The following PMFBP1 variants were observed in gnomAD, a reference collection of about 807,000 sequenced individuals.
PMFBP1 encodes the protein polyamine-modulated factor 1-binding protein 1.
A neutral mutation model predicts 137.8 loss-of-function variants in PMFBP1; 131 were observed. That is an observed-to-expected ratio of 0.95 (90% CI 0.82 to 1.10). The LOEUF is 1.10. Ranked by LOEUF, PMFBP1 falls within the 50% of genes least tolerant of loss-of-function variation. PMFBP1 has a pLI of 0.00. For missense variants in PMFBP1, 1,199 were observed against 1,175.4 expected, an observed-to-expected ratio of 1.02 and a Z score of -0.29; for synonymous variants, 490 against 450.4, an observed-to-expected ratio of 1.09 and a Z score of -1.11.
At chr16:72,248,190 T>C in the PMFBP1 span, among the ~76,000 whole-genome samples, 1 of 152,190 alleles carries the variant, frequency 6.6e-6, no homozygotes, top group Non-Finnish European at 1.5e-5. Context: ...CAAAGATGTT[T>C]GTTGATTTTG....
chr16:72,234,982 A>G, the PMFBP1 span, among the ~76,000 whole-genome samples: 1 of 152,154 alleles, frequency 6.6e-6, no homozygotes, highest in Non-Finnish European at 1.5e-5. Context: ...ATTTTATCCC[A>G]TTCTGTGGGT....
At chr16:72,222,895 G>A in the PMFBP1 span, among the ~76,000 whole-genome samples, 3 of 152,194 alleles carry the variant, frequency 2.0e-5, no homozygotes, top group African/African-American at 7.2e-5. Context: ...TAAAGGAGCA[G>A]TAGGAATTCA....
At chr16:72,128,060 C>A (rs1489086220) in intron 14 of PMFBP1, among the ~76,000 whole-genome samples, 1 of 152,168 alleles carries the variant, frequency 6.6e-6, no homozygotes, top group Non-Finnish European at 1.5e-5. Flanking sequence ...CTGGATAATT[C>A]AGGTTCAAAT....
chr16:72,142,811 C>G (rs1278061170), intron 5 of PMFBP1, among the ~76,000 whole-genome samples: 2 of 152,072 alleles, frequency 1.3e-5, no homozygotes, highest in Non-Finnish European at 2.9e-5. Flanking sequence ...TATATATACA[C>G]AGTGGCAGAG....
chr16:72,189,949 G>C, the PMFBP1 span, among the ~76,000 whole-genome samples: 2 of 152,118 alleles, frequency 1.3e-5, no homozygotes, highest in African/African-American at 2.4e-5. Context: ...TGAGTGTCAT[G>C]GGACTGGTTG....
chr16:72,125,554 G>A lies in PMFBP1; in HGVS notation c.2254-149C>T, dbSNP rs1024381387. ...TTGCCTAGTCTCCCAGAGAGGGGTG[G>A]GAAATGACAGTGGTTGGTTTTCTGC... is the stretch of plus-strand genomic sequence containing the variant. On this transcript the variant is annotated intron_variant, in intron 15 of 20. Transcript: ENST00000237353. 21 of 901,500 alleles carry A rather than the reference G, an allele frequency of 2.3e-5. No homozygotes were observed. In the Middle Eastern group the frequency reaches 1.8e-3, roughly 76 times the overall value. 55.8% of individuals were successfully genotyped at this position (901,500 alleles called of 1,614,324 possible). A position where few individuals can be genotyped will look rare whatever the true frequency, so the allele number is the denominator to read the frequency against.
At chr16:72,232,164 A>G in the PMFBP1 span, among the ~76,000 whole-genome samples, 1 of 152,188 alleles carries the variant, frequency 6.6e-6, no homozygotes, top group South Asian at 2.1e-4. Context: ...GGATTTTTCA[A>G]TCAACTATAA....
the PMFBP1 span, among the ~76,000 whole-genome samples, chr16:72,239,899 A>AT: frequency 8.1e-6 from 1 of 123,310 alleles, no homozygotes; most frequent in Non-Finnish European, 1.6e-5. Context: ...AAAAAAAAAA[A>AT]AGAAAAAAAA....
upstream of PMFBP1, among the ~76,000 whole-genome samples, chr16:72,179,732 G>A (rs184774059): frequency 6.6e-6 from 1 of 152,184 alleles, no homozygotes; most frequent in Non-Finnish European, 1.5e-5. Flanking sequence ...GAACCAGTAC[G>A]GGGAATATTT....
At chr16:72,199,080 G>A in the PMFBP1 span, among the ~76,000 whole-genome samples, 2 of 152,182 alleles carry the variant, frequency 1.3e-5, no homozygotes, top group Admixed American at 6.5e-5. Flanking sequence ...TGGCTGTGCT[G>A]TTGCAGGGAA....
At chr16:72,126,928 T>C (rs1009747791) in intron 14 of PMFBP1, among the ~76,000 whole-genome samples, 3 of 152,246 alleles carry the variant, frequency 2.0e-5, no homozygotes, top group African/African-American at 7.2e-5. Flanking sequence ...GTTTTTATGA[T>C]GATCAAATGA....
At chr16:72,176,731 T>C (rs1307295305), upstream of PMFBP1, 2 of 152,260 alleles carry the variant, frequency 1.3e-5, no homozygotes, top group Non-Finnish European at 2.9e-5. Flanking sequence ...TTAATTTTTC[T>C]GTTTCATACA....
chr16:72,140,588 A>G lies in PMFBP1; in HGVS notation c.637-6T>C, dbSNP rs1246122128. The G allele has an allele frequency of 6.2e-7, 1 of 1,608,138 alleles. No homozygotes were observed. On this transcript the variant is annotated splice_region_variant and splice_polypyrimidine_tract_variant and intron_variant, in intron 5 of 20. Coordinates refer to ENST00000237353, the MANE Select transcript of PMFBP1 (RefSeq NM_031293.3). ...TCACCCTTGTTCTCAGGCTCCTGAG[A>G]GATTTAAAAATAATGGGTTGATTTT...
At chr16:72,243,212 T>C in the PMFBP1 span, among the ~76,000 whole-genome samples, 2 of 152,228 alleles carry the variant, frequency 1.3e-5, no homozygotes, top group East Asian at 3.9e-4. Context: ...AAAACACAAA[T>C]TCCATAAACA....
the PMFBP1 span, among the ~76,000 whole-genome samples, chr16:72,226,657 C>A: frequency 5.9e-5 from 9 of 152,106 alleles, no homozygotes; most frequent in East Asian, 1.4e-3. Context: ...TATTTGAGGG[C>A]AGAAACTGTA....
At position 72,154,406 on chromosome 16, in the gene PMFBP1, C is replaced by G. The variant is rs2042951801; in HGVS notation, c.219G>C (p.Gly73=). The G allele has an allele frequency of 1.2e-6, 2 of 1,614,118 alleles. No individual in the cohort carries two copies. The highest frequency in any genetic ancestry group is 1.7e-6 in the Non-Finnish European group (2 of 1,180,002). Residue 73 remains glycine, a synonymous_variant, in exon 4 of 21, where the codon GGG becomes GGC. Transcript: ENST00000237353. The part of the protein sequence containing the change: ...LAFEESEVEF[G]SSKQCHLRQL... ...GTCTCAGATGACACTGTTTACTGGA[C>G]CCAAATTCCACCTCTGACTCCTCGA...
At chr16:72,236,786 A>C in the PMFBP1 span, among the ~76,000 whole-genome samples, 1 of 152,246 alleles carries the variant, frequency 6.6e-6, no homozygotes, top group Non-Finnish European at 1.5e-5. Context: ...GATGTCAAAG[A>C]GACAGTCATC....
Position 72,123,629 on chromosome 16 carries a change from C to T in PMFBP1, c.2610G>A (p.Trp870Ter), listed in dbSNP as rs1352727874. 1.2e-6 allele frequency: 2 copies of T among 1,613,834 alleles called. No homozygotes were observed. The highest frequency in any genetic ancestry group is 2.7e-5 in the African/African-American group (2 of 74,922). Residue 870 changes from tryptophan (W) to a stop codon, truncating the protein, a stop_gained, in exon 18 of 21, where the codon TGG (tryptophan) becomes TGA (stop). Transcript: ENST00000237353. LOFTEE classifies it high-confidence loss of function. The part of the protein sequence containing the change: ...DDKEPCCLPQ[W>*]SVPKDTCRLY... ...GCCTACAGGTGTCTTTGGGCACAGA[C>T]CACTGGGGCAGGCAGCAGGGCTTGG...
At chr16:72,131,989 G>T (rs1027752611) in intron 10 of PMFBP1, among the ~76,000 whole-genome samples, 1 of 152,042 alleles carries the variant, frequency 6.6e-6, no homozygotes, top group Admixed American at 6.6e-5. Flanking sequence ...GGGACTACAG[G>T]TGCCCACCAC....
Sources: gnomAD v4.1 joint callset for allele counts (sites outside exome capture counted in the v4.1 genomes callset) on GRCh38, gnomAD v4.1.1 for gene constraint, MANE v1.5 for transcripts, NCBI Gene and HGNC (gene_info 2026-07-23, HGNC 2026-07-21) for gene names.